PDZRN4: variants seen among roughly 807,000 people sequenced by gnomAD.
PDZRN4 encodes the protein PDZ domain-containing RING finger protein 4.
A neutral mutation model predicts 99.0 loss-of-function variants in PDZRN4; 70 were observed. That is an observed-to-expected ratio of 0.71 (90% CI 0.58 to 0.86). The LOEUF (loss-of-function observed/expected upper bound fraction) is 0.86, where lower values mean the gene tolerates loss of function less well. Ranked by LOEUF, PDZRN4 falls within the 40% of genes least tolerant of loss-of-function variation. The pLI is 0.00. For missense variants in PDZRN4, 1,474 were observed against 1,331.2 expected, an observed-to-expected ratio of 1.11 and a Z score of -1.67; for synonymous variants, 551 against 501.6, an observed-to-expected ratio of 1.10 and a Z score of -1.32.
In PDZRN4 at chr12:41,466,759, T is replaced by TG. The variant is rs555473055; in HGVS notation, c.844-39697_844-39696insG. ...TCCTTTATATTTCCAGTGTTTTTTTTTTTTTTTTTGGTTTTGTTTTGTTTT... is the reference window on the plus strand; with the variant it reads ...TCCTTTATATTTCCAGTGTTTTTTTTGTTTTTTTTTGGTTTTGTTTTGTTTT... On this transcript the variant is annotated intron_variant, in intron 3 of 9. Coordinates refer to ENST00000402685, the MANE Select transcript of PDZRN4 (RefSeq NM_001164595.2). Among the ~76,000 whole-genome samples the TG allele has an allele frequency of 1.8e-4, 27 of 151,882 alleles. No homozygotes were observed. In the South Asian group the frequency reaches 5.4e-3, roughly 30 times the overall value.
At chr12:41,313,884 T>G (rs2120956961) in intron 3 of PDZRN4, among the ~76,000 whole-genome samples, 1 of 152,340 alleles carries the variant, frequency 6.6e-6, no homozygotes, top group African/African-American at 2.4e-5. Context: ...TCTTGGTCAA[T>G]TTTGAAGAGA....
intron 3 of PDZRN4, among the ~76,000 whole-genome samples, chr12:41,415,787 T>TGCACA (rs1326226378): frequency 2.7e-4 from 41 of 152,306 alleles, no homozygotes; most frequent in Non-Finnish European, 5.4e-4. Flanking sequence ...AAGGGTAATT[T>TGCACA]ATCATGGGAG....
chr12:41,494,543 C>T (rs1937955820), intron 3 of PDZRN4, among the ~76,000 whole-genome samples: 1 of 151,746 alleles, frequency 6.6e-6, no homozygotes, highest in South Asian at 2.1e-4. Flanking sequence ...TCCAACTATT[C>T]TATAGAAAAT....
At chr12:41,328,025 A>G (rs1487814980) in intron 3 of PDZRN4, among the ~76,000 whole-genome samples, 2 of 152,154 alleles carry the variant, frequency 1.3e-5, no homozygotes, top group African/African-American at 4.8e-5. Flanking sequence ...ATATGAAAAA[A>G]TATGGTATAT....
At chr12:41,266,766 T>C (rs1455378497) in intron 3 of PDZRN4, among the ~76,000 whole-genome samples, 1 of 152,210 alleles carries the variant, frequency 6.6e-6, no homozygotes, top group Non-Finnish European at 1.5e-5. Context: ...AAAAATATTT[T>C]TGTTCTAAAA....
chr12:41,453,831 T>C (rs1433842247), intron 3 of PDZRN4, among the ~76,000 whole-genome samples: 1 of 151,946 alleles, frequency 6.6e-6, no homozygotes, highest in East Asian at 1.9e-4. Context: ...GTTTCCCCCA[T>C]TTATTAAGTG....
rs1201256205 is a variant in PDZRN4 at position 41,378,384 on chromosome 12, T to C, written c.844-128072T>C. On this transcript the variant is annotated intron_variant, in intron 3 of 9. Coordinates refer to ENST00000402685, the MANE Select transcript of PDZRN4 (RefSeq NM_001164595.2). The stretch of plus-strand genomic sequence containing the variant: ...GTGCTATTGAACTCAATTTGCTGTA[T>C]TTTGAGAATTTTTGCATCTGTTCAT... Among the ~76,000 whole-genome samples, 4 of 152,132 alleles carry C rather than the reference T, an allele frequency of 2.6e-5. No individual in the cohort carries two copies. The South Asian group carries it at 6.2e-4, about 24-fold the overall frequency.
At chr12:41,566,577 T>C (rs974318458) in intron 8 of PDZRN4, among the ~76,000 whole-genome samples, 6 of 152,176 alleles carry the variant, frequency 3.9e-5, no homozygotes, top group African/African-American at 1.4e-4. Flanking sequence ...CAGTTAAGTT[T>C]GAGGTCATTT....
chr12:41,324,948 T>C (rs879530473), intron 3 of PDZRN4, among the ~76,000 whole-genome samples: 7 of 152,266 alleles, frequency 4.6e-5, no homozygotes, highest in African/African-American at 7.2e-5. Context: ...CATTTGAAAT[T>C]ACATATGTGG....
At chr12:41,499,634 A>C (rs1304100739) in intron 3 of PDZRN4, among the ~76,000 whole-genome samples, 1 of 152,094 alleles carries the variant, frequency 6.6e-6, no homozygotes, top group Non-Finnish European at 1.5e-5. Context: ...AAGCAGTTGC[A>C]ACAGATACAT....
intron 3 of PDZRN4, among the ~76,000 whole-genome samples, chr12:41,341,986 T>G (rs1416613584): frequency 6.6e-6 from 1 of 151,972 alleles, no homozygotes; most frequent in Non-Finnish European, 1.5e-5. Flanking sequence ...AGCATGGTAC[T>G]GTCATAAAAA....
At chr12:41,403,652 T>C (rs1277087004) in intron 3 of PDZRN4, among the ~76,000 whole-genome samples, 1 of 152,144 alleles carries the variant, frequency 6.6e-6, no homozygotes, top group Non-Finnish European at 1.5e-5. Context: ...ACTGAAAAGT[T>C]TGGCTTTACA....
intron 3 of PDZRN4, among the ~76,000 whole-genome samples, chr12:41,422,028 A>G (rs1042790709): frequency 2.0e-5 from 3 of 152,148 alleles, no homozygotes; most frequent in Non-Finnish European, 4.4e-5. Flanking sequence ...ATACTTGTTG[A>G]ATAAGTAGAT....
intron 3 of PDZRN4, among the ~76,000 whole-genome samples, chr12:41,258,108 T>C (rs1039605939): frequency 3.3e-5 from 5 of 152,182 alleles, no homozygotes; most frequent in African/African-American, 7.2e-5. Context: ...TAATAACTTC[T>C]GAGGGTTACT....
At chr12:41,218,423 G>A (rs1348168153) in intron 3 of PDZRN4, among the ~76,000 whole-genome samples, 15 of 152,004 alleles carry the variant, frequency 9.9e-5, no homozygotes, top group African/African-American at 2.4e-4. Context: ...AGGTGAAAAC[G>A]TTCATTCTGT....
intron 3 of PDZRN4, among the ~76,000 whole-genome samples, chr12:41,197,090 T>C (rs1402786684): frequency 6.6e-6 from 1 of 152,120 alleles, no homozygotes; most frequent in Non-Finnish European, 1.5e-5. Context: ...CTATGGTTTA[T>C]ATATAGTCAA....
At chr12:41,191,365 T>C (rs748034462) in intron 1 of PDZRN4, 93 bp from the exon 2 acceptor site, 28 of 666,044 alleles carry the variant, frequency 4.2e-5, no homozygotes, top group Middle Eastern at 3.7e-4. Flanking sequence ...TTTTCACATG[T>C]CAGTTAACTT....
chr12:41,220,878 A>T (rs1200461022), intron 3 of PDZRN4, among the ~76,000 whole-genome samples: 1 of 152,210 alleles, frequency 6.6e-6, no homozygotes, highest in African/African-American at 2.4e-5. Flanking sequence ...AATACTATAG[A>T]GAAAAGCATC....
At chr12:41,417,158 A>G (rs1952452128) in intron 3 of PDZRN4, among the ~76,000 whole-genome samples, 1 of 152,202 alleles carries the variant, frequency 6.6e-6, no homozygotes, top group African/African-American at 2.4e-5. Flanking sequence ...TATTTCCTCA[A>G]ATCTAAAGAA....
Sources: allele counts gnomAD v4.1 joint callset (sites outside exome capture counted in the v4.1 genomes callset), GRCh38; gene constraint gnomAD v4.1.1; transcripts MANE v1.5; gene names NCBI Gene and HGNC (gene_info 2026-07-23, HGNC 2026-07-21).